The following ZZZ3 variants were observed in gnomAD, a reference collection of about 807,000 sequenced individuals.
ZZZ3 encodes zinc finger ZZ-type containing 3.
A neutral mutation model predicts 95.2 loss-of-function variants in ZZZ3; 22 were observed. The observed-to-expected ratio is 0.23, with a 90% CI of 0.17 to 0.33. ZZZ3 has a LOEUF of 0.33. Among genes scored for constraint, ZZZ3 ranks in the 10% least tolerant of loss-of-function variants. The pLI, the probability that ZZZ3 is intolerant of heterozygous loss-of-function variation, is 1.00. For missense variants in ZZZ3, 885 were observed against 1,066.5 expected (o/e 0.83, Z 2.37); for synonymous variants, 335 against 358.9 (o/e 0.93, Z 0.75).
At chr1:77,670,994 AAC>A (rs1460678143) in intron 1 of ZZZ3, among the ~76,000 whole-genome samples, 1 of 151,486 alleles carries the variant, frequency 6.6e-6, no homozygotes, top group Non-Finnish European at 1.5e-5. Context: ...GCAACACAGT[AAC>A]ACTGTTTTTT....
chr1:77,632,570 A>G lies in ZZZ3; in HGVS notation c.785T>C (p.Ile262Thr), dbSNP rs754167944. ...ATCTGTGCAAGGCACCTTATGGTCT[A>G]TATAACTGTCCTCCTTCCTACTATC... is the stretch of plus-strand genomic sequence containing the variant. ...FLDSRKEDSY[I>T]DHKVPCTDSQ... The change falls in exon 5 of 15, where the codon ATA becomes ACA. Residue 262 changes from isoleucine to threonine, a missense_variant. Transcript: ENST00000370801. 21 of 1,614,176 alleles carry G rather than the reference A, an allele frequency of 1.3e-5. No individual in the cohort carries two copies. Among genetic ancestry groups the G allele is most frequent in the Non-Finnish European group, 1.4e-5 (17 of 1,180,016 alleles).
intron 1 of ZZZ3, among the ~76,000 whole-genome samples, chr1:77,664,204 C>T (rs747188724): frequency 1.3e-5 from 2 of 152,062 alleles, no homozygotes; most frequent in Admixed American, 6.6e-5. Flanking sequence ...TTCCAATTTA[C>T]TCTTTATTTG....
chr1:77,576,259 A>C, intron 11 of ZZZ3, 39 bp from the exon 12 acceptor site: 1 of 1,511,726 alleles, frequency 6.6e-7, no homozygotes, highest in Middle Eastern at 1.8e-4. Context: ...TTCAGTGAAA[A>C]ATCATTACAA....
upstream of ZZZ3, among the ~76,000 whole-genome samples, chr1:77,682,839 C>T (rs965161947): frequency 6.6e-6 from 1 of 152,352 alleles, no homozygotes; most frequent in East Asian, 1.9e-4. Context: ...CCGCTTTATA[C>T]GTCTCCTCCT....
chr1:77,664,106 A>G (rs1211293616), intron 1 of ZZZ3, among the ~76,000 whole-genome samples: 4 of 151,682 alleles, frequency 2.6e-5, no homozygotes, highest in African/African-American at 9.7e-5. Flanking sequence ...AAAACAAACT[A>G]TCTACTCTTT....
intron 5 of ZZZ3, among the ~76,000 whole-genome samples, chr1:77,587,647 AC>A (rs1663236099): frequency 6.6e-6 from 1 of 152,228 alleles, no homozygotes; most frequent in South Asian, 2.1e-4. Context: ...GCATTCAGCT[AC>A]GCTTTAAGAA....
At chr1:77,648,403 A>G (rs1303837536) in intron 1 of ZZZ3, among the ~76,000 whole-genome samples, 2 of 152,004 alleles carry the variant, frequency 1.3e-5, no homozygotes, top group African/African-American at 2.4e-5. Context: ...ATCACTTAAA[A>G]TGAGAAAAAG....
chr1:77,612,614 G>A (rs1665922279), intron 5 of ZZZ3, among the ~76,000 whole-genome samples: 1 of 152,018 alleles, frequency 6.6e-6, no homozygotes. Context: ...TTTTTTAAAA[G>A]GAGATACTGC....
chr1:77,591,613 G>C lies in ZZZ3; in HGVS notation c.1506-6958C>G, dbSNP rs547356775. The stretch of plus-strand genomic sequence containing the variant: ...CCCAGGTCAGCCTACCAAAGTGCTG[G>C]GATTACAAGGCATAAGCCAGGCCCA... On this transcript the variant is annotated intron_variant, in intron 5 of 14. Transcript: ENST00000370801. Among the ~76,000 whole-genome samples, 7 of 152,260 alleles carry C rather than the reference G, an allele frequency of 4.6e-5. 1 individual carries two copies. In the East Asian group the frequency reaches 1.4e-3, roughly 29 times the overall value.
chr1:77,584,628 A>G lies in ZZZ3; in HGVS notation c.1533T>C (p.Ala511=), dbSNP rs769395783. The stretch of plus-strand genomic sequence containing the variant: ...CTTGAGAACGCTGAGCCTCGAGTAC[A>G]GCAATCGTCTGTAATAGTCTCTGAT... The part of the protein sequence containing the change: ...KDYQRLLQTI[A]VLEAQRSQAV... Residue 511 remains alanine (A), a synonymous_variant, in exon 6 of 15, where the codon GCT becomes GCC. Transcript: ENST00000370801. 1 of 1,606,854 alleles carries G rather than the reference A, an allele frequency of 6.2e-7. No homozygotes were observed.
At chr1:77,615,282 T>C (rs1666200468) in intron 5 of ZZZ3, among the ~76,000 whole-genome samples, 1 of 152,224 alleles carries the variant, frequency 6.6e-6, no homozygotes. Flanking sequence ...CCCAGAATGC[T>C]TTTTACCAAT....
chr1:77,678,260 T>G (rs550641493), intron 1 of ZZZ3, among the ~76,000 whole-genome samples: 1 of 152,290 alleles, frequency 6.6e-6, no homozygotes, highest in South Asian at 2.1e-4. Flanking sequence ...AGAGCCTTGT[T>G]TGGGAGTAAT....
Position 77,653,793 on chromosome 1 carries a change from T to C in ZZZ3, c.-402-12138A>G, listed in dbSNP as rs1670024606. Among the ~76,000 whole-genome samples, 6 of 152,096 alleles carry C rather than the reference T, an allele frequency of 3.9e-5. No individual in the cohort carries two copies. In the South Asian group the frequency reaches 1.2e-3, roughly 32 times the overall value. On this transcript the variant is annotated intron_variant, in intron 1 of 14. Transcript: ENST00000370801. Reference sequence around the variant, plus strand: ...AAAGATAATATTACAAATAACTTCATGTCAATAAACCCAACTATTTAGATG... The same window carrying C: ...AAAGATAATATTACAAATAACTTCACGTCAATAAACCCAACTATTTAGATG...
intron 1 of ZZZ3, among the ~76,000 whole-genome samples, chr1:77,671,006 T>C (rs1382885831): frequency 6.6e-6 from 1 of 151,266 alleles, no homozygotes; most frequent in African/African-American, 2.4e-5. Flanking sequence ...CACTGTTTTT[T>C]TGGGGGGGTG....
At chr1:77,629,936 T>A (rs1385700998) in intron 5 of ZZZ3, among the ~76,000 whole-genome samples, 1 of 152,266 alleles carries the variant, frequency 6.6e-6, no homozygotes, top group Non-Finnish European at 1.5e-5. Context: ...TTTAGGTAAC[T>A]GTTTTATGTG....
intron 1 of ZZZ3, among the ~76,000 whole-genome samples, chr1:77,666,628 T>A (rs1671274487): frequency 6.6e-6 from 1 of 152,114 alleles, no homozygotes; most frequent in Non-Finnish European, 1.5e-5. Flanking sequence ...ATAAATAAAT[T>A]CAGCAAGTAT....
chr1:77,635,915 T>A (rs1433447664), intron 4 of ZZZ3, among the ~76,000 whole-genome samples: 4 of 151,806 alleles, frequency 2.6e-5, no homozygotes, highest in African/African-American at 9.7e-5. Context: ...CAAAAAAAAA[T>A]AAAAAGAAAA....
intron 5 of ZZZ3, among the ~76,000 whole-genome samples, chr1:77,607,239 A>T (rs1392021266): frequency 6.6e-6 from 1 of 152,216 alleles, no homozygotes; most frequent in African/African-American, 2.4e-5. Flanking sequence ...GGACTTGTGC[A>T]GGGGAATGTC....
intron 12 of ZZZ3, among the ~76,000 whole-genome samples, chr1:77,569,750 C>T (rs1473431822): frequency 2.0e-5 from 3 of 151,834 alleles, no homozygotes; most frequent in Admixed American, 1.3e-4. Context: ...CACTGTTATT[C>T]CTACTTCTCT....
Sources: gnomAD v4.1 joint callset for allele counts (sites outside exome capture counted in the v4.1 genomes callset) on GRCh38, gnomAD v4.1.1 for gene constraint, MANE v1.5 for transcripts, NCBI Gene and HGNC (gene_info 2026-07-23, HGNC 2026-07-21) for gene names.